The following SLC7A8 variants were observed in gnomAD, a reference collection of about 807,000 sequenced individuals.
SLC7A8 encodes the protein solute carrier family 7 member 8.
A neutral mutation model predicts 51.2 loss-of-function variants in SLC7A8; 30 were observed. That is an observed-to-expected ratio of 0.59 (90% CI 0.44 to 0.80). The LOEUF is 0.80. Among genes scored for constraint, SLC7A8 ranks in the 30% least tolerant of loss-of-function variants. The probability of loss-of-function intolerance (pLI) is 0.00; values close to 1 mark genes in which losing one functional copy is unlikely to be tolerated. For missense variants in SLC7A8, 612 were observed against 674.4 expected, an observed-to-expected ratio of 0.91 and a Z score of 1.03; for synonymous variants, 257 against 275.8, an observed-to-expected ratio of 0.93 and a Z score of 0.67.
chr14:23,155,044 T>A (rs1455592434), intron 3 of SLC7A8: 2 of 580,388 alleles, frequency 3.4e-6, no homozygotes, highest in Non-Finnish European at 5.3e-6. Flanking sequence ...CCTCATAAAC[T>A]GCGCTTTGAT....
Position 23,131,580 on chromosome 14 carries a change from A to G in SLC7A8, c.1017-23T>C, listed in dbSNP as rs1253278002. On this transcript the variant is annotated intron_variant, in intron 7 of 10. Transcript: ENST00000316902. ...AGCCTGTCAGGGAGAAAAGCAGGTCAGCCTGGGATAACCCAGGGACCACCA... is the reference window on the plus strand; with the variant it reads ...AGCCTGTCAGGGAGAAAAGCAGGTCGGCCTGGGATAACCCAGGGACCACCA... 3.2e-6 allele frequency: 5 copies of G among 1,569,996 alleles called. 1 individual carries two copies. In the South Asian group the frequency reaches 5.9e-5, roughly 19 times the overall value.
intron 1 of SLC7A8, among the ~76,000 whole-genome samples, chr14:23,170,636 A>G (rs920809461): frequency 2.0e-5 from 3 of 151,692 alleles, no homozygotes; most frequent in Admixed American, 1.3e-4. Context: ...TTTTTGTATT[A>G]TTAGTAAAGA....
intron 1 of SLC7A8, among the ~76,000 whole-genome samples, chr14:23,174,662 G>A (rs1157999023): frequency 6.6e-6 from 1 of 152,252 alleles, no homozygotes; most frequent in Non-Finnish European, 1.5e-5. Context: ...TGCTCGGTGA[G>A]TGTTTGTTAA....
rs1451057828 is a variant in SLC7A8, at chr14:23,127,246, C to T, written c.1539G>A (p.Glu513=). The part of the protein sequence containing the change: ...GTEEANEDME[E]QQQPMYQPTP... Reference sequence around the variant, plus strand: ...TGGGTTGGTACATGGGCTGCTGCTGCTCCTCCATGTCCTCATTAGCCTCCT... The same window carrying T: ...TGGGTTGGTACATGGGCTGCTGCTGTTCCTCCATGTCCTCATTAGCCTCCT... The change falls in exon 11 of 11, where the codon GAG becomes GAA. Residue 513 remains glutamate (E), a synonymous_variant. Transcript: ENST00000316902. The T allele has an allele frequency of 6.2e-6, 10 of 1,613,992 alleles. No individual in the cohort carries two copies. The highest frequency in any genetic ancestry group is 4.0e-5 in the African/African-American group (3 of 74,894).
At chr14:23,154,366 C>T in intron 3 of SLC7A8, 1 of 999,452 alleles carries the variant, frequency 1.0e-6, no homozygotes, top group Non-Finnish European at 1.2e-6. Flanking sequence ...TCCCTCCCAG[C>T]AGCCCTCTGG....
At chr14:23,140,091 T>G (rs922702921) in intron 5 of SLC7A8, among the ~76,000 whole-genome samples, 1 of 152,178 alleles carries the variant, frequency 6.6e-6, no homozygotes, top group African/African-American at 2.4e-5. Flanking sequence ...TCCACACCTG[T>G]TGATCTTGAC....
At chr14:23,129,622 A>T in intron 9 of SLC7A8, 28 bp downstream of exon 9, 1 of 1,611,260 alleles carries the variant, frequency 6.2e-7, no homozygotes, top group East Asian at 2.2e-5. Flanking sequence ...GAGGAAGGGG[A>T]GGGGACCCCA....
intron 7 of SLC7A8, among the ~76,000 whole-genome samples, chr14:23,134,518 A>G (rs1005016232): frequency 6.6e-6 from 1 of 151,924 alleles, no homozygotes; most frequent in African/African-American, 2.4e-5. Flanking sequence ...GAATATTTAT[A>G]ATCAGAATAA....
In SLC7A8 at chr14:23,161,698, C is replaced by T. The variant is rs372684931; in HGVS notation, c.508+3587G>A. 1.8e-3 allele frequency among the ~76,000 whole-genome samples: 273 copies of T among 152,172 alleles called. 2 individuals carry two copies. Among genetic ancestry groups the T allele is most frequent in the African/African-American group, 6.0e-3 (250 of 41,522 alleles). ...GTGGCCTCACTTTGGGAGGCTGAGG[C>T]GGGTGGATCACTTGAGGTCAGGAGT... On this transcript the variant is annotated intron_variant, in intron 3 of 10. Transcript: ENST00000316902.
chr14:23,129,958 TACA>T (rs766705060), intron 8 of SLC7A8, 159 bp from the exon 9 acceptor site: 5 of 694,630 alleles, frequency 7.2e-6, no homozygotes, highest in South Asian at 5.8e-5. Flanking sequence ...CCCAATATGT[TACA>T]ACATCTTTAT....
intron 1 of SLC7A8, among the ~76,000 whole-genome samples, chr14:23,174,766 A>G (rs915014328): frequency 1.3e-5 from 2 of 152,204 alleles, no homozygotes; most frequent in Non-Finnish European, 2.9e-5. Flanking sequence ...TCCAGGGAGA[A>G]GGGATCTGGG....
At chr14:23,174,057 A>G (rs910072340) in intron 1 of SLC7A8, among the ~76,000 whole-genome samples, 1 of 152,244 alleles carries the variant, frequency 6.6e-6, no homozygotes, top group East Asian at 1.9e-4. Flanking sequence ...ACTTAAGACT[A>G]TCTCTAAAGC....
chr14:23,163,495 C>T lies in SLC7A8; in HGVS notation c.508+1790G>A, dbSNP rs906805607. On this transcript the variant is annotated intron_variant, in intron 3 of 10. Coordinates refer to ENST00000316902, the MANE Select transcript of SLC7A8 (RefSeq NM_012244.4). Reference sequence around the variant, plus strand: ...TGGCCTGGGTGGTGGAGGTCTGTCCCAGGGTTGACCAGCACTGCCAAAGAG... The same window carrying T: ...TGGCCTGGGTGGTGGAGGTCTGTCCTAGGGTTGACCAGCACTGCCAAAGAG... 3.9e-5 allele frequency among the ~76,000 whole-genome samples: 6 copies of T among 152,310 alleles called. No homozygotes were observed. In the East Asian group the frequency reaches 1.2e-3, roughly 29 times the overall value.
At chr14:23,152,773 C>T (rs946683510) in intron 3 of SLC7A8, among the ~76,000 whole-genome samples, 2 of 152,146 alleles carry the variant, frequency 1.3e-5, no homozygotes, top group Non-Finnish European at 2.9e-5. Context: ...TTGAGCTGGG[C>T]CAGCAGGGGG....
At chr14:23,132,847 G>T (rs2048651772) in intron 7 of SLC7A8, among the ~76,000 whole-genome samples, 1 of 151,866 alleles carries the variant, frequency 6.6e-6, no homozygotes, top group Non-Finnish European at 1.5e-5. Context: ...TGTTGGTCAG[G>T]CTGGTCTCGA....
intron 3 of SLC7A8, among the ~76,000 whole-genome samples, chr14:23,152,604 G>T (rs1182598307): frequency 1.3e-5 from 2 of 151,926 alleles, no homozygotes; most frequent in Admixed American, 1.3e-4. Flanking sequence ...TGTAGAGACG[G>T]GTTATGCCAG....
chr14:23,161,254 C>G (rs947907928), intron 3 of SLC7A8, among the ~76,000 whole-genome samples: 1 of 152,132 alleles, frequency 6.6e-6, no homozygotes, highest in East Asian at 1.9e-4. Context: ...ACCATGGAAC[C>G]AGACTTGGCC....
At position 23,128,458 on chromosome 14, in the gene SLC7A8, G is replaced by A. The variant is rs1051986716; in HGVS notation, c.1264-262C>T. 5 of 1,210,366 alleles carry A rather than the reference G, an allele frequency of 4.1e-6. No homozygotes were observed. Among genetic ancestry groups the A allele is most frequent in the Admixed American group, 2.1e-5 (1 of 47,290 alleles). The allele number at this position is 1,210,366 out of a possible 1,614,324, so 75.0% of individuals were successfully genotyped here. ...AACGATCCTCCTTGCCCATGTCCTC[G>A]CTCTTGGGTGTGGTTAGACAAGGCC... On this transcript the variant is annotated intron_variant, in intron 9 of 10. Coordinates refer to ENST00000316902, the MANE Select transcript of SLC7A8 (RefSeq NM_012244.4). This position sits in a 1 kb window ranked among gnomAD's most constrained non-coding sequence, Gnocchi z 4.3.
intron 3 of SLC7A8, among the ~76,000 whole-genome samples, chr14:23,162,852 T>C (rs1020319818): frequency 2.0e-5 from 3 of 152,116 alleles, no homozygotes; most frequent in Middle Eastern, 3.2e-3. Flanking sequence ...GCCTGGCTCC[T>C]CTCCTAGGGT....
Sources: gnomAD v4.1 joint callset for allele counts (sites outside exome capture counted in the v4.1 genomes callset) on GRCh38, gnomAD v4.1.1 for gene constraint, Gnocchi (gnomAD v3.1) non-coding constraint, MANE v1.5 for transcripts, NCBI Gene and HGNC (gene_info 2026-07-23, HGNC 2026-07-21) for gene names.